The following PPP4R1 variants were observed in gnomAD, a reference collection of about 807,000 sequenced individuals.
PPP4R1 encodes the protein protein phosphatase 4 regulatory subunit 1.
A neutral mutation model predicts 111.2 loss-of-function variants in PPP4R1; 42 were observed. The ratio of observed to expected loss-of-function variants is 0.38; its 90% CI spans 0.29 to 0.49. The LOEUF is 0.49. Among genes scored for constraint, PPP4R1 ranks in the 20% least tolerant of loss-of-function variants. PPP4R1 has a pLI of 0.97. For synonymous variants in PPP4R1, 409 were observed against 405.5 expected (o/e 1.01, Z -0.10); for missense variants, 1,012 against 1,161.6 (o/e 0.87, Z 1.87).
chr18:9,559,337 C>G (rs2066636909), intron 14 of PPP4R1, 82 bp downstream of exon 14: 2 of 1,304,950 alleles, frequency 1.5e-6, no homozygotes, highest in African/African-American at 1.5e-5. Flanking sequence ...AGAACATGAA[C>G]AGAAATTCTT....
chr18:9,615,128 GGCT>G (rs2067672752), upstream of PPP4R1: 1 of 152,354 alleles, frequency 6.6e-6, no homozygotes, highest in South Asian at 2.1e-4. Context: ...CTCGCCAAGT[GGCT>G]GCTAACAAAG....
At chr18:9,579,441 C>T (rs1025717275) in intron 9 of PPP4R1, among the ~76,000 whole-genome samples, 1 of 151,860 alleles carries the variant, frequency 6.6e-6, no homozygotes, top group Non-Finnish European at 1.5e-5. Context: ...TATAACCTTC[C>T]CCAAATGGCT....
intron 10 of PPP4R1, 29 bp from the exon 11 acceptor site, chr18:9,570,712 A>C (rs1568100495): frequency 2.0e-6 from 3 of 1,499,976 alleles, no homozygotes; most frequent in East Asian, 2.3e-5. Context: ...GTGGGAAAAA[A>C]ACAATATGAA....
chr18:9,573,785 T>A (rs1278960610), intron 10 of PPP4R1, among the ~76,000 whole-genome samples: 2 of 152,166 alleles, frequency 1.3e-5, no homozygotes, highest in African/African-American at 2.4e-5. Context: ...GTGTTAAAAT[T>A]AAATTTTAAT....
chr18:9,605,116 G>GATACT (rs2067456671), intron 2 of PPP4R1, among the ~76,000 whole-genome samples: 1 of 152,042 alleles, frequency 6.6e-6, no homozygotes, highest in Admixed American at 6.5e-5. Flanking sequence ...TTTTTCCCTA[G>GATACT]ATACTGCTCA....
chr18:9,604,826 C>T (rs950607775), intron 2 of PPP4R1, among the ~76,000 whole-genome samples: 6 of 152,058 alleles, frequency 3.9e-5, no homozygotes, highest in Admixed American at 3.9e-4. Flanking sequence ...AAAACAGAGT[C>T]CAATGCTTCT....
At position 9,602,307 on chromosome 18, in the gene PPP4R1, G is replaced by A. The variant is rs535131597; in HGVS notation, c.53-7154C>T. On this transcript the variant is annotated intron_variant, in intron 2 of 19. Coordinates refer to ENST00000400556, the MANE Select transcript of PPP4R1 (RefSeq NM_001042388.3). ...AACACTTTGGGAGGCCAAGGCAGGC[G>A]GATCATGAGGTCAGGAGATTGAGAC... 9.8e-5 allele frequency among the ~76,000 whole-genome samples: 14 copies of A among 142,386 alleles called. No individual in the cohort carries two copies. The South Asian group carries it at 3.2e-3, about 32-fold the overall frequency. The allele number at this position is 142,386 out of a possible 152,430, so 93.4% of individuals were successfully genotyped here. A position where few individuals can be genotyped will look rare whatever the true frequency, so the allele number is the denominator to read the frequency against.
chr18:9,614,211 G>A lies in PPP4R1; in HGVS notation c.52+15C>T, dbSNP rs1434134304. 93 of 1,361,246 alleles carry A rather than the reference G, an allele frequency of 6.8e-5. No homozygotes were observed. The highest frequency in any genetic ancestry group is 8.6e-5 in the Non-Finnish European group (90 of 1,043,668). The allele number at this position is 1,361,246 out of a possible 1,614,324, so 84.3% of individuals were successfully genotyped here. A position where few individuals can be genotyped will look rare whatever the true frequency, so the allele number is the denominator to read the frequency against. ...CCCGCGGACTGCCAGGCCACCGCGAGGCCGGGCCACTCACATCCGTCTGCG... is the reference window on the plus strand; with the variant it reads ...CCCGCGGACTGCCAGGCCACCGCGAAGCCGGGCCACTCACATCCGTCTGCG... On this transcript the variant is annotated intron_variant, in intron 2 of 19. Coordinates refer to ENST00000400556, the MANE Select transcript of PPP4R1 (RefSeq NM_001042388.3). The surrounding 1 kb of genome is among the most constrained non-coding windows in gnomAD (Gnocchi z 4.1).
At chr18:9,590,794 T>C (rs929317666) in intron 4 of PPP4R1, among the ~76,000 whole-genome samples, 2 of 152,138 alleles carry the variant, frequency 1.3e-5, no homozygotes, top group Non-Finnish European at 2.9e-5. Context: ...AAGGCTTCTC[T>C]GTGTTAGAGA....
rs143587978 is a variant in PPP4R1, at chr18:9,596,840, C to G, written c.53-1687G>C. ...CAACAGAACATTATCAAAAAGAGAA[C>G]ACAACAGTTCCTTTTGTTAAAATAA... On this transcript the variant is annotated intron_variant, in intron 2 of 19. Coordinates refer to ENST00000400556, the MANE Select transcript of PPP4R1 (RefSeq NM_001042388.3). Among the ~76,000 whole-genome samples, 158 of 152,260 alleles carry G rather than the reference C, an allele frequency of 1.0e-3. No individual in the cohort carries two copies. In the East Asian group the frequency reaches 0.028, roughly 27 times the overall value.
intron 2 of PPP4R1, among the ~76,000 whole-genome samples, chr18:9,602,406 C>T (rs1194642770): frequency 1.2e-4 from 17 of 139,136 alleles, no homozygotes; most frequent in Non-Finnish European, 6.1e-5. Flanking sequence ...ATTAGCCGGG[C>T]GTGGTGGCGG....
In PPP4R1 at chr18:9,570,300, C is replaced by T; in HGVS notation, c.1430G>A (p.Gly477Glu). Residue 477 changes from glycine to glutamate, a missense_variant, in exon 11 of 20, where the codon GGG becomes GAG. Coordinates refer to ENST00000400556, the MANE Select transcript of PPP4R1 (RefSeq NM_001042388.3). ...TGGTCCCTCTGGGCTGGGTTTTCCC[C>T]CAGAGTTCTGTTCAAGCTCTATGTC... ...DLDIELEQNS[G>E]GKPSPEGPEE... 1 of 1,612,268 alleles carries T rather than the reference C, an allele frequency of 6.2e-7. No homozygotes were observed. Among genetic ancestry groups the T allele is most frequent in the South Asian group, 1.1e-5 (1 of 90,746 alleles).
In PPP4R1 at chr18:9,549,282, C is replaced by T. The variant is rs147910800; in HGVS notation, c.2604G>A (p.Pro868=). 2,597 of 1,613,738 alleles carry T rather than the reference C, an allele frequency of 1.6e-3. 67 individuals are homozygous for T. In the Admixed American group the frequency reaches 0.039, roughly 24 times the overall value. The part of the protein sequence containing the change: ...PMDQFAVHLM[P]HLLTLANDRV... ...TGTCATTTGCTAAGGTTAGCAGATGCGGCATGAGATGCACAGCAAACTGGT... is the reference window on the plus strand; with the variant it reads ...TGTCATTTGCTAAGGTTAGCAGATGTGGCATGAGATGCACAGCAAACTGGT... The change falls in exon 19 of 20, where the codon CCG becomes CCA. Residue 868 remains proline, a synonymous_variant. Transcript: ENST00000400556.
chr18:9,560,370 A>C (rs1393954622), intron 13 of PPP4R1, among the ~76,000 whole-genome samples: 1 of 152,198 alleles, frequency 6.6e-6, no homozygotes, highest in African/African-American at 2.4e-5. Context: ...TTATTAGTAT[A>C]TATGTGAGGA....
chr18:9,568,573 G>C (rs1193623390), intron 11 of PPP4R1, among the ~76,000 whole-genome samples: 4 of 151,944 alleles, frequency 2.6e-5, no homozygotes, highest in Non-Finnish European at 5.9e-5. Context: ...ATATTTCTTT[G>C]CATTTATTTG....
At chr18:9,560,951 C>T (rs1001404650) in intron 13 of PPP4R1, among the ~76,000 whole-genome samples, 3 of 152,048 alleles carry the variant, frequency 2.0e-5, no homozygotes, top group Non-Finnish European at 4.4e-5. Flanking sequence ...GGCACGGTAG[C>T]TCATGCCTGT....
Position 9,588,811 on chromosome 18 carries a change from A to G in PPP4R1, c.338T>C (p.Ile113Thr). Reference protein sequence around the residue: ...RAELMEQVPHIALFCQENRPS... With the variant: ...RAELMEQVPHTALFCQENRPS... ...CCGGTTTTCTTGACAAAACAGTGCG[A>G]TGTGAGGCACCTGTTCCATCAGCTC... The change falls in exon 5 of 20, where the codon ATC (isoleucine) becomes ACC (threonine). Residue 113 changes from isoleucine to threonine, a missense_variant. Ile to Thr is a moderately conservative substitution (Grantham distance 89). Transcript: ENST00000400556. The G allele has an allele frequency of 6.2e-7, 1 of 1,614,088 alleles. No homozygotes were observed. The highest frequency in any genetic ancestry group is 8.5e-7 in the Non-Finnish European group (1 of 1,179,992).
chr18:9,613,631 C>T (rs943951494), intron 2 of PPP4R1: 1 of 94,734 alleles, frequency 1.1e-5, no homozygotes, highest in Non-Finnish European at 2.3e-5. Context: ...CTGCGGAGGC[C>T]ACACCTTCTA....
chr18:9,602,504 C>T (rs2067404625), intron 2 of PPP4R1, among the ~76,000 whole-genome samples: 3 of 150,858 alleles, frequency 2.0e-5, no homozygotes, highest in African/African-American at 7.3e-5. Context: ...CGAGATTGCG[C>T]CACTGCACTC....
Sources: gnomAD v4.1 joint callset for allele counts (sites outside exome capture counted in the v4.1 genomes callset) on GRCh38, gnomAD v4.1.1 for gene constraint, Gnocchi (gnomAD v3.1) non-coding constraint, MANE v1.5 for transcripts, NCBI Gene and HGNC (gene_info 2026-07-23, HGNC 2026-07-21) for gene names.